IL1RAPL2: variants seen among roughly 807,000 people sequenced by gnomAD.
IL1RAPL2 encodes the protein X-linked interleukin-1 receptor accessory protein-like 2.
A neutral mutation model predicts 44.1 loss-of-function variants in IL1RAPL2; 3 were observed. That is an observed-to-expected ratio of 0.07 (90% CI 0.03 to 0.18). IL1RAPL2 has a LOEUF of 0.18. Ranked by LOEUF, IL1RAPL2 falls within the 10% of genes least tolerant of loss-of-function variation. IL1RAPL2 has a pLI of 1.00. For synonymous variants in IL1RAPL2, 181 were observed against 178.8 expected (o/e 1.01, Z -0.10); for missense variants, 391 against 496.4 (o/e 0.79, Z 2.02).
chrX:105,412,745 C>T (rs1164435962), intron 5 of IL1RAPL2, among the ~76,000 whole-genome samples: 1 of 111,578 alleles, frequency 9.0e-6, no homozygotes, highest in Non-Finnish European at 1.9e-5. Context: ...TATGCTAAGA[C>T]TATGATTTGA....
intron 2 of IL1RAPL2, among the ~76,000 whole-genome samples, chrX:104,813,097 T>C (rs907860229): frequency 4.5e-5 from 5 of 112,090 alleles, no homozygotes; most frequent in African/African-American, 1.6e-4. Context: ...CTTGATTACG[T>C]GAATGTTGTA....
At chrX:104,585,420 T>TTA (rs1928542077) in intron 1 of IL1RAPL2, among the ~76,000 whole-genome samples, 1 of 56,265 alleles carries the variant, frequency 1.8e-5, no homozygotes, top group African/African-American at 7.2e-5. Flanking sequence ...ATAATATATA[T>TTA]ATAAATGAAA....
At chrX:104,650,157 A>G (rs753866766) in intron 1 of IL1RAPL2, among the ~76,000 whole-genome samples, 10 of 111,466 alleles carry the variant, frequency 9.0e-5, no homozygotes, top group Non-Finnish European at 1.9e-4. Flanking sequence ...TCAGGGGAAT[A>G]TGAACTTCAG....
rs759962303 is a variant in IL1RAPL2 at position 105,031,052 on chromosome X, A to G, written c.83-164423A>G. ...TGATTTGGCTCTCTGTTTGTCTGTT[A>G]TTGGTGTATAAGAATGCTTGTGATT... On this transcript the variant is annotated intron_variant, in intron 2 of 10. Coordinates refer to ENST00000372582, the MANE Select transcript of IL1RAPL2 (RefSeq NM_017416.2). 1.8e-4 allele frequency among the ~76,000 whole-genome samples: 20 copies of G among 109,642 alleles called. No individual in the cohort carries two copies. In the South Asian group the frequency reaches 4.0e-3, roughly 22 times the overall value.
chrX:105,607,164 T>C (rs1262727025), intron 6 of IL1RAPL2, among the ~76,000 whole-genome samples: 3 of 111,089 alleles, frequency 2.7e-5, no homozygotes, highest in Non-Finnish European at 5.7e-5. Context: ...TGTACAATTA[T>C]TTGTCAATTT....
chrX:104,656,424 C>T (rs1455122416), intron 1 of IL1RAPL2, among the ~76,000 whole-genome samples: 1 of 111,808 alleles, frequency 8.9e-6, no homozygotes, highest in Non-Finnish European at 1.9e-5. Flanking sequence ...GCCTTCATTT[C>T]GTTATTTACC....
At chrX:104,660,483 G>A (rs189015720) in intron 2 of IL1RAPL2, among the ~76,000 whole-genome samples, 21 of 107,060 alleles carry the variant, frequency 2.0e-4, no homozygotes, top group African/African-American at 5.7e-4. Flanking sequence ...TGCTGTCAAT[G>A]TATTCTGTCT....
At chrX:104,605,753 T>G (rs1033179415) in intron 1 of IL1RAPL2, among the ~76,000 whole-genome samples, 3 of 111,319 alleles carry the variant, frequency 2.7e-5, no homozygotes, top group African/African-American at 9.8e-5. Flanking sequence ...CATACACCCT[T>G]CCAAATCTAA....
At chrX:105,172,263 A>T (rs1277430581) in intron 2 of IL1RAPL2, among the ~76,000 whole-genome samples, 1 of 112,687 alleles carries the variant, frequency 8.9e-6, no homozygotes, top group Non-Finnish European at 1.9e-5. Context: ...GGGATTAAGA[A>T]GTTATATTAG....
chrX:104,900,056 A>G (rs1047457340), intron 2 of IL1RAPL2, among the ~76,000 whole-genome samples: 5 of 111,787 alleles, frequency 4.5e-5, no homozygotes, highest in Non-Finnish European at 7.5e-5. Context: ...GAACTTCATT[A>G]TCTGTTTTAT....
intron 2 of IL1RAPL2, among the ~76,000 whole-genome samples, chrX:104,852,000 C>T (rs1368475763): frequency 9.0e-6 from 1 of 111,447 alleles, no homozygotes; most frequent in Non-Finnish European, 1.9e-5. Flanking sequence ...TCCCACTAGG[C>T]CCCACTTTCC....
Position 104,926,937 on chromosome X carries a change from C to T in IL1RAPL2, c.82+267942C>T, listed in dbSNP as rs191471898. Among the ~76,000 whole-genome samples the T allele has an allele frequency of 4.1e-4, 46 of 111,501 alleles. 1 individual carries two copies. Among genetic ancestry groups the T allele is most frequent in the South Asian group, 1.5e-3 (4 of 2,632 alleles). On this transcript the variant is annotated intron_variant, in intron 2 of 10. Coordinates refer to ENST00000372582, the MANE Select transcript of IL1RAPL2 (RefSeq NM_017416.2). ...ACCTGTTTACCAAGCTGTACTGGAC[C>T]GGGAGTCAGCTTTAGCTTTACATTG...
At chrX:105,320,394 G>GA (rs756364298) in intron 5 of IL1RAPL2, among the ~76,000 whole-genome samples, 1 of 111,868 alleles carries the variant, frequency 8.9e-6, no homozygotes, top group African/African-American at 3.2e-5. Flanking sequence ...ATAAGGAGAA[G>GA]AAATGGCTGC....
At chrX:105,094,299 C>T (rs993244112) in intron 2 of IL1RAPL2, among the ~76,000 whole-genome samples, 8 of 111,734 alleles carry the variant, frequency 7.2e-5, no homozygotes, top group African/African-American at 2.6e-4. Context: ...TCTTATGCTC[C>T]ACAGTGTTTC....
At chrX:105,041,292 C>G (rs1002555580) in intron 2 of IL1RAPL2, among the ~76,000 whole-genome samples, 2 of 111,096 alleles carry the variant, frequency 1.8e-5, no homozygotes, top group African/African-American at 6.6e-5. Flanking sequence ...GAGAGCTTTA[C>G]TTCCAACTAT....
At chrX:105,290,273 T>A (rs1373839869) in intron 5 of IL1RAPL2, among the ~76,000 whole-genome samples, 2 of 111,421 alleles carry the variant, frequency 1.8e-5, no homozygotes, top group Non-Finnish European at 3.8e-5. Context: ...GGATCCATGG[T>A]CTAGTAGAGA....
intron 1 of IL1RAPL2, among the ~76,000 whole-genome samples, chrX:104,584,046 A>G (rs1344304814): frequency 9.0e-6 from 1 of 111,263 alleles, no homozygotes; most frequent in Non-Finnish European, 1.9e-5. Context: ...CATGTGTCAG[A>G]TCCACCAGGG....
intron 6 of IL1RAPL2, among the ~76,000 whole-genome samples, chrX:105,704,799 G>A (rs1333369319): frequency 9.1e-6 from 1 of 110,378 alleles, no homozygotes; most frequent in Non-Finnish European, 1.9e-5. Flanking sequence ...CCACCAACAG[G>A]AGAGGCAGCA....
At chrX:104,845,569 A>G (rs931278628) in intron 2 of IL1RAPL2, among the ~76,000 whole-genome samples, 3 of 112,083 alleles carry the variant, frequency 2.7e-5, no homozygotes, top group East Asian at 5.6e-4. Context: ...CAATGTGTGA[A>G]GTTGGACAGG....
Sources: allele counts gnomAD v4.1 joint callset (sites outside exome capture counted in the v4.1 genomes callset), GRCh38; gene constraint gnomAD v4.1.1; transcripts MANE v1.5; gene names NCBI Gene and HGNC (gene_info 2026-07-23, HGNC 2026-07-21).